Variants in DOCK7 observed in about 807,000 individuals in gnomAD.
DOCK7 encodes dedicator of cytokinesis 7.
DOCK7 carries 138 observed loss-of-function variants against 271.0 expected under a neutral mutation model. That is an observed-to-expected ratio of 0.51 (90% confidence interval 0.44 to 0.59). The LOEUF is 0.59. Ranked by LOEUF, DOCK7 falls within the 20% of genes least tolerant of loss-of-function variation. DOCK7 has a pLI of 0.00. For synonymous variants in DOCK7, 823 were observed against 876.1 expected, an observed-to-expected ratio of 0.94 and a Z score of 1.07; for missense variants, 2,066 against 2,592.4, an observed-to-expected ratio of 0.80 and a Z score of 4.41.
chr1:62,498,950 C>T (rs927360167), intron 37 of DOCK7, among the ~76,000 whole-genome samples: 19 of 151,814 alleles, frequency 1.3e-4, no homozygotes, highest in Non-Finnish European at 1.9e-4. Flanking sequence ...TACAGGCGCC[C>T]GCCACCATGC....
chr1:62,648,590 G>T, intron 4 of DOCK7, 46 bp from the exon 5 acceptor site: 1 of 1,110,056 alleles, frequency 9.0e-7, no homozygotes, highest in Non-Finnish European at 1.2e-6. Flanking sequence ...TCAAACTTAG[G>T]AATTTTTTCA....
intron 6 of DOCK7, 87 bp from the exon 7 acceptor site, chr1:62,647,863 C>G: frequency 9.9e-7 from 1 of 1,012,678 alleles, no homozygotes; most frequent in Non-Finnish European, 1.5e-6. Flanking sequence ...ACTAATCTAA[C>G]ACTTTTAGTC....
chr1:62,464,407 C>T (rs912061646), intron 48 of DOCK7, among the ~76,000 whole-genome samples: 4 of 150,414 alleles, frequency 2.7e-5, no homozygotes, highest in Admixed American at 6.6e-5. Flanking sequence ...ATTGGCTGGG[C>T]GCAGTGGCTC....
intron 40 of DOCK7, among the ~76,000 whole-genome samples, chr1:62,493,164 A>C (rs944345073): frequency 5.3e-5 from 8 of 152,290 alleles, no homozygotes; most frequent in Admixed American, 1.3e-4. Flanking sequence ...TTATTTATTT[A>C]ATTGATCTTT....
rs1294758733 is a variant in DOCK7 at position 62,492,480 on chromosome 1, A to G, written c.5361+224T>C. ...ATTTTTAATTTTTTGTAGAGACGGTATCTCACTATGTTCCCCATGCTGGTC... is the reference window on the plus strand; with the variant it reads ...ATTTTTAATTTTTTGTAGAGACGGTGTCTCACTATGTTCCCCATGCTGGTC... On this transcript the variant is annotated intron_variant, in intron 41 of 49. Transcript: ENST00000635253. 6 of 450,184 alleles carry G rather than the reference A, an allele frequency of 1.3e-5. No individual in the cohort carries two copies. The East Asian group carries it at 2.8e-4, about 21-fold the overall frequency. 27.9% of individuals were successfully genotyped at this position (450,184 alleles called of 1,614,324 possible). A position where few individuals can be genotyped will look rare whatever the true frequency, so the allele number is the denominator to read the frequency against.
intron 2 of DOCK7, among the ~76,000 whole-genome samples, chr1:62,657,726 A>G (rs937313777): frequency 6.6e-5 from 10 of 152,180 alleles, no homozygotes; most frequent in South Asian, 2.1e-4. Context: ...CAGAAGATAT[A>G]AAGAACTAAA....
At chr1:62,535,303 T>C (rs1022082708) in intron 29 of DOCK7, among the ~76,000 whole-genome samples, 190 bp downstream of exon 29, 1 of 152,078 alleles carries the variant, frequency 6.6e-6, no homozygotes, top group African/African-American at 2.4e-5. Flanking sequence ...GGTGACAAAA[T>C]ATGAGAAAAA....
intron 23 of DOCK7, among the ~76,000 whole-genome samples, chr1:62,544,671 T>C (rs1324133231): frequency 2.0e-5 from 3 of 152,110 alleles, no homozygotes; most frequent in Admixed American, 1.3e-4. Context: ...GAAACTGTTA[T>C]AAAAGCCATC....
intron 19 of DOCK7, among the ~76,000 whole-genome samples, chr1:62,560,496 T>C (rs995899309): frequency 3.3e-5 from 5 of 152,158 alleles, no homozygotes; most frequent in Non-Finnish European, 7.4e-5. Context: ...CTGCTTCCCC[T>C]TAGCATGGCC....
intron 15 of DOCK7, among the ~76,000 whole-genome samples, chr1:62,583,644 C>T (rs1017151301): frequency 1.3e-5 from 2 of 152,082 alleles, no homozygotes; most frequent in Admixed American, 6.5e-5. Context: ...GGCTTCAACA[C>T]TAAAACAGCA....
At chr1:62,652,601 T>C (rs1320278567) in intron 4 of DOCK7, among the ~76,000 whole-genome samples, 1 of 152,142 alleles carries the variant, frequency 6.6e-6, no homozygotes, top group Non-Finnish European at 1.5e-5. Context: ...AATTCTCTTA[T>C]CCTCTTGCCT....
chr1:62,521,569 A>C (rs1571387086), intron 31 of DOCK7, among the ~76,000 whole-genome samples: 1 of 152,216 alleles, frequency 6.6e-6, no homozygotes. Flanking sequence ...AAAAAAGTTT[A>C]CATCTACTAC....
chr1:62,471,191 T>G (rs1362616359), intron 48 of DOCK7, among the ~76,000 whole-genome samples: 1 of 152,180 alleles, frequency 6.6e-6, no homozygotes, highest in Non-Finnish European at 1.5e-5. Flanking sequence ...ATGACTGTAT[T>G]ATCAGTAAGG....
chr1:62,624,215 T>C (rs1426428136), intron 12 of DOCK7, among the ~76,000 whole-genome samples: 2 of 152,162 alleles, frequency 1.3e-5, no homozygotes, highest in East Asian at 3.9e-4. Flanking sequence ...CATATACACA[T>C]GTGTACACTC....
chr1:62,603,836 G>A (rs960356171), intron 14 of DOCK7: 1 of 803,768 alleles, frequency 1.2e-6, no homozygotes, highest in African/African-American at 1.7e-5. Flanking sequence ...ATTATTTTAA[G>A]ATACACTAAA....
At chr1:62,609,297 T>C (rs1263826402) in intron 14 of DOCK7, 2 of 152,194 alleles carry the variant, frequency 1.3e-5, no homozygotes, top group Non-Finnish European at 2.9e-5. Context: ...ATACAAAGGC[T>C]GTTTTTCCTA....
intron 42 of DOCK7, 172 bp downstream of exon 42, chr1:62,488,762 T>C (rs1646370278): frequency 1.2e-6 from 1 of 829,380 alleles, no homozygotes. Context: ...TGAATTCATT[T>C]TTATTGTTAA....
intron 20 of DOCK7, among the ~76,000 whole-genome samples, chr1:62,557,797 A>AT (rs1646195269): frequency 1.3e-5 from 2 of 151,572 alleles, no homozygotes; most frequent in African/African-American, 4.8e-5. Context: ...TTTTTCCTTA[A>AT]AACCTTCTTC....
intron 8 of DOCK7, 54 bp from the exon 9 acceptor site, chr1:62,634,976 T>C (rs1655076970): frequency 3.1e-6 from 4 of 1,279,860 alleles, no homozygotes; most frequent in Non-Finnish European, 4.3e-6. Context: ...ACAGTGTCTA[T>C]TTCTTAAAAG....
Sources: allele counts gnomAD v4.1 joint callset (sites outside exome capture counted in the v4.1 genomes callset), GRCh38; gene constraint gnomAD v4.1.1; transcripts MANE v1.5; gene names NCBI Gene and HGNC (gene_info 2026-07-23, HGNC 2026-07-21).